RAD9A: variants seen among roughly 807,000 people sequenced by gnomAD.
RAD9A encodes RAD9 checkpoint clamp component A, also known as cell cycle checkpoint control protein RAD9A.
Under a neutral mutation model 41.2 loss-of-function variants are expected in RAD9A, and 25 were observed. The ratio of observed to expected loss-of-function variants is 0.61; its 90% CI spans 0.44 to 0.85. The LOEUF is 0.85. RAD9A is among the 40% of genes least tolerant of loss of function. The pLI, the probability that RAD9A is intolerant of heterozygous loss-of-function variation, is 0.00. For synonymous variants in RAD9A, 252 were observed against 210.6 expected, an observed-to-expected ratio of 1.20 and a Z score of -1.70; for missense variants, 514 against 518.3, an observed-to-expected ratio of 0.99 and a Z score of 0.08.
Position 67,392,248 on chromosome 11 carries a change from T to TGGGGGAGGGGGTGG in RAD9A, c.105+22_105+23insAGGGGGTGGGGGGG. ...GAGGACGGGGTGAGGGGCTAGGGTG[T>TGGGGGAGGGGGTGG]GGGGGGCGGGTGGGACTCCAGCCGG... On this transcript the variant is annotated intron_variant, in intron 2 of 10. Coordinates refer to ENST00000307980, the MANE Select transcript of RAD9A (RefSeq NM_004584.3). 3.1e-6 allele frequency: 1 copy of TGGGGGAGGGGGTGG among 321,862 alleles called. No homozygotes were observed. The highest frequency in any genetic ancestry group is 6.2e-6 in the Non-Finnish European group (1 of 162,540). 19.9% of individuals were successfully genotyped at this position (321,862 alleles called of 1,614,324 possible). A position where few individuals can be genotyped will look rare whatever the true frequency, so the allele number is the denominator to read the frequency against.
intron 2 of RAD9A, 26 bp downstream of exon 2, chr11:67,392,257 G>A: frequency 3.4e-6 from 5 of 1,466,648 alleles, no homozygotes; most frequent in Non-Finnish European, 4.7e-6. Context: ...GTGGGGGGCG[G>A]GTGGGACTCC....
intron 9 of RAD9A, 33 bp from the exon 10 acceptor site, chr11:67,397,146 G>T: frequency 6.4e-7 from 1 of 1,552,496 alleles, no homozygotes; most frequent in Non-Finnish European, 8.9e-7. Context: ...TGCTCCCCCA[G>T]TCCCCTCCCT....
rs1862754199 is a variant in RAD9A, at chr11:67,397,625, T to G, written c.*66T>G. The G allele has an allele frequency of 1.4e-6, 2 of 1,404,470 alleles. No individual in the cohort carries two copies. The highest frequency in any genetic ancestry group is 2.4e-5 in the South Asian group (2 of 82,498). 87.0% of individuals were successfully genotyped at this position (1,404,470 alleles called of 1,614,324 possible). A position where few individuals can be genotyped will look rare whatever the true frequency, so the allele number is the denominator to read the frequency against. On this transcript the variant is annotated 3_prime_UTR_variant, in exon 11 of 11. Transcript: ENST00000307980. ...ACGAAGCCCCAGCCAGTGGCAGAAC[T>G]GGGTCTCTCAGCCCTGGGGATCAGA...
chr11:67,396,441 G>A (rs1403959250), intron 9 of RAD9A, 41 bp downstream of exon 9: 5 of 1,603,480 alleles, frequency 3.1e-6, no homozygotes, highest in Non-Finnish European at 3.4e-6. Context: ...CTCCATGTCT[G>A]TGCACTCCAG....
chr11:67,393,392 TC>T, intron 3 of RAD9A, 103 bp from the exon 4 acceptor site: 1 of 1,499,762 alleles, frequency 6.7e-7, no homozygotes, highest in Non-Finnish European at 8.9e-7. Flanking sequence ...GGAGCCCTTT[TC>T]CCAGAGTTAC....
rs140732277 is a variant in RAD9A, at chr11:67,395,802, G to A, written c.536G>A (p.Arg179His). The change falls in exon 6 of 11, where the codon CGC becomes CAC. Residue 179 changes from arginine (R) to histidine (H), a missense_variant. Arg to His is a conservative substitution (Grantham distance 29). Around this residue, in one of 3 missense-constraint regions of RAD9A, gnomAD observed 268 missense variants for 279.3 expected, o/e 0.96. Transcript: ENST00000307980. ...GIGRGRRVIL[R>H]SYHEEEADST... ...GGCCGTGGCCGCAGGGTCATCCTGC[G>A]CAGCTACCACGAGGAGGAGGCAGGT... 110 of 1,613,796 alleles carry A rather than the reference G, an allele frequency of 6.8e-5. No individual in the cohort carries two copies. In the African/African-American group the frequency reaches 1.1e-3, roughly 15 times the overall value.
At position 67,392,143 on chromosome 11, in the gene RAD9A, C is replaced by A; in HGVS notation, c.35-18C>A. On this transcript the variant is annotated intron_variant, in intron 1 of 10. Transcript: ENST00000307980. The stretch of plus-strand genomic sequence containing the variant: ...GCGGAGCCGCCAGCCTAACCCCCTT[C>A]CGCTCTTCTCCCCGCAGTGCTCGGC... 3 of 1,611,566 alleles carry A rather than the reference C, an allele frequency of 1.9e-6. No homozygotes were observed. Among genetic ancestry groups the A allele is most frequent in the Non-Finnish European group, 2.5e-6 (3 of 1,179,556 alleles).
rs1289463847 is a variant in RAD9A, at chr11:67,397,621, G to A, written c.*62G>A. On this transcript the variant is annotated 3_prime_UTR_variant, in exon 11 of 11. Transcript: ENST00000307980. ...CTAGACGAAGCCCCAGCCAGTGGCA[G>A]AACTGGGTCTCTCAGCCCTGGGGAT... The A allele has an allele frequency of 7.0e-7, 1 of 1,420,494 alleles. No individual in the cohort carries two copies. The highest frequency in any genetic ancestry group is 1.4e-5 in the African/African-American group (1 of 69,768). 88.0% of individuals were successfully genotyped at this position (1,420,494 alleles called of 1,614,324 possible).
chr11:67,397,725 C>A lies in RAD9A; in HGVS notation c.*166C>A. On this transcript the variant is annotated 3_prime_UTR_variant, in exon 11 of 11. Coordinates refer to ENST00000307980, the MANE Select transcript of RAD9A (RefSeq NM_004584.3). ...AGCTGGCTGTCACTGTAAAGCTGTC[C>A]CACAGCGGTCGGGCCTGGGCCGTTA... 1.5e-6 allele frequency: 1 copy of A among 667,782 alleles called. No homozygotes were observed. Among genetic ancestry groups the A allele is most frequent in the Non-Finnish European group, 2.5e-6 (1 of 399,388 alleles). 41.4% of individuals were successfully genotyped at this position (667,782 alleles called of 1,614,324 possible).
chr11:67,394,092 C>T (rs1565116664), intron 5 of RAD9A, among the ~76,000 whole-genome samples: 1 of 152,200 alleles, frequency 6.6e-6, no homozygotes, highest in Non-Finnish European at 1.5e-5. Context: ...AACTCCTCCT[C>T]TAGGGAGCAC....
chr11:67,396,289 CTT>C lies in RAD9A; in HGVS notation c.763_764del (p.Leu255AlafsTer46). The C allele has an allele frequency of 6.2e-7, 1 of 1,614,114 alleles. No individual in the cohort carries two copies. The highest frequency in any genetic ancestry group is 1.1e-5 in the South Asian group (1 of 91,086). ...CCCGCCATCTTCACCATCAAGGACTCTTTGCTGGACGGCCACTTTGTCTTGGC... is the reference window on the plus strand; with the variant it reads ...CCCGCCATCTTCACCATCAAGGACTCTGCTGGACGGCCACTTTGTCTTGGC... On this transcript the variant is annotated frameshift_variant, in exon 9 of 11. Coordinates refer to ENST00000307980, the MANE Select transcript of RAD9A (RefSeq NM_004584.3). LOFTEE classifies it high-confidence loss of function.
rs756343933 is a variant in RAD9A at position 67,393,693 on chromosome 11, G to T, written c.352G>T (p.Val118Leu). The T allele has an allele frequency of 5.0e-6, 8 of 1,613,142 alleles. No homozygotes were observed. The African/African-American group carries it at 5.3e-5, about 11-fold the overall frequency. Residue 118 changes from valine (V) to leucine (L), a missense_variant and splice_region_variant, in exon 5 of 11, where the codon GTG becomes TTG. By Grantham distance (32) the Val-to-Leu change is conservative. Transcript: ENST00000307980. ...LVVQLHCKFG[V>L]RKTHNLSFQD... is the part of the protein sequence containing the mutation. ...CTGAGACCCTATCGCCCATCCAGGG[G>T]TGCGGAAGACTCACAACCTGTCCTT...
chr11:67,398,390 T>C lies in RAD9A; in HGVS notation c.*831T>C. The C allele has an allele frequency of 1.2e-6, 1 of 827,160 alleles. No individual in the cohort carries two copies. Among genetic ancestry groups the C allele is most frequent in the Non-Finnish European group, 1.9e-6 (1 of 538,836 alleles). The allele number at this position is 827,160 out of a possible 1,614,324, so 51.2% of individuals were successfully genotyped here. On this transcript the variant is annotated 3_prime_UTR_variant, in exon 11 of 11. Coordinates refer to ENST00000307980, the MANE Select transcript of RAD9A (RefSeq NM_004584.3). ...GGACTGGACGCTGCTATTGATTCAT[T>C]AAAAAAAGAAAAGAAAAATACACCA...
rs977871009 is a variant in RAD9A, at chr11:67,393,523, G to A, written c.262G>A (p.Ala88Thr). Residue 88 changes from alanine (A) to threonine (T), a missense_variant, in exon 4 of 11, where the codon GCG becomes ACG. Physicochemically the swap from Ala to Thr is moderately conservative, Grantham distance 58. Transcript: ENST00000307980. ...KSFLSVFRSL[A>T]MLEKTVEKCC... ...TTTCCTGTCTGTCTTCCGCTCACTGGCGATGCTGGAGAAGACGGTGGAAAA... is the reference window on the plus strand; with the variant it reads ...TTTCCTGTCTGTCTTCCGCTCACTGACGATGCTGGAGAAGACGGTGGAAAA... 7 of 1,614,078 alleles carry A rather than the reference G, an allele frequency of 4.3e-6. No homozygotes were observed. In the Admixed American group the frequency reaches 8.3e-5, roughly 19 times the overall value.
chr11:67,395,949 T>C lies in RAD9A; in HGVS notation c.597T>C (p.Leu199=). The C allele has an allele frequency of 1.2e-6, 2 of 1,614,142 alleles. No individual in the cohort carries two copies. Among genetic ancestry groups the C allele is most frequent in the Middle Eastern group, 3.3e-4 (2 of 6,062 alleles). The part of the protein sequence containing the change: ...TAKAMVTEMC[L]GEEDFQQLQA... ...AAGCCATGGTGACTGAGATGTGCCT[T>C]GGAGAGGAGGATTTCCAGCAGCTGC... The change falls in exon 7 of 11, where the codon CTT becomes CTC. Residue 199 remains leucine (L), a synonymous_variant. Coordinates refer to ENST00000307980, the MANE Select transcript of RAD9A (RefSeq NM_004584.3).
In RAD9A at chr11:67,396,020, G is replaced by A. The variant is rs751464054; in HGVS notation, c.668G>A (p.Arg223Gln). ...ATCACTTTCTGCCTCAAGGAATTCC[G>A]GGTGAGGTTCCTCCCAGGCGCTCGC... ...VAITFCLKEFRGLLSFAESAN... is the reference protein window; with the variant it reads ...VAITFCLKEFQGLLSFAESAN... Residue 223 changes from arginine to glutamine, a missense_variant and splice_region_variant, in exon 7 of 11, where the codon CGG (arginine) becomes CAG (glutamine). Arg to Gln is a conservative substitution (Grantham distance 43). Transcript: ENST00000307980. The A allele has an allele frequency of 1.2e-6, 2 of 1,614,104 alleles. No homozygotes were observed. Among genetic ancestry groups the A allele is most frequent in the Non-Finnish European group, 1.7e-6 (2 of 1,180,006 alleles).
At chr11:67,395,680 C>A in intron 5 of RAD9A, 36 bp from the exon 6 acceptor site, 1 of 1,510,336 alleles carries the variant, frequency 6.6e-7, no homozygotes, top group Admixed American at 2.0e-5. Context: ...CTGGGCAGGG[C>A]CAGGCATTTC....
In RAD9A at chr11:67,397,499, T is replaced by C. The variant is rs745452649; in HGVS notation, c.1116T>C (p.Pro372=). ...TGTTCTTCGGCTCCATCCTGGCCCC[T>C]GTACGCTCCCCCCAGGGCCCCAGCC... The part of the protein sequence containing the change: ...RSLFFGSILA[P]VRSPQGPSPV... The change falls in exon 11 of 11, where the codon CCT becomes CCC. Residue 372 remains proline, a synonymous_variant. Transcript: ENST00000307980. 1 of 1,612,596 alleles carries C rather than the reference T, an allele frequency of 6.2e-7. No individual in the cohort carries two copies. The highest frequency in any genetic ancestry group is 1.1e-5 in the South Asian group (1 of 91,008).
intron 2 of RAD9A, 21 bp downstream of exon 2, chr11:67,392,252 G>GGT: frequency 1.3e-6 from 2 of 1,508,662 alleles, no homozygotes; most frequent in Non-Finnish European, 1.8e-6. Context: ...AGGGTGTGGG[G>GGT]GGCGGGTGGG....
Sources: allele counts gnomAD v4.1 joint callset (sites outside exome capture counted in the v4.1 genomes callset), GRCh38; gene constraint gnomAD v4.1.1; regional missense constraint gnomAD v4.1.1; transcripts MANE v1.5; gene names NCBI Gene and HGNC (gene_info 2026-07-23, HGNC 2026-07-21).